Variants in DSCAML1 observed in about 807,000 individuals in gnomAD.
DSCAML1 encodes the protein DS cell adhesion molecule like 1, also known as cell adhesion molecule DSCAML1.
A neutral mutation model predicts 200.5 loss-of-function variants in DSCAML1; 38 were observed. The observed-to-expected ratio is 0.19, with a 90% CI of 0.15 to 0.25. The LOEUF is 0.25. DSCAML1 is among the 10% of genes least tolerant of loss of function. The pLI is 1.00. For synonymous variants in DSCAML1, 1,215 were observed against 1,165.0 expected, an observed-to-expected ratio of 1.04 and a Z score of -0.87; for missense variants, 2,223 against 2,858.8, an observed-to-expected ratio of 0.78 and a Z score of 5.07.
intron 5 of DSCAML1, among the ~76,000 whole-genome samples, chr11:117,523,918 C>T (rs191001987): frequency 1.3e-5 from 2 of 152,342 alleles, no homozygotes; most frequent in Admixed American, 6.5e-5. Context: ...CAGATCCCAG[C>T]CCCACTGCAG....
At chr11:117,453,946 G>C (rs10892114) in intron 19 of DSCAML1, among the ~76,000 whole-genome samples, 86,099 of 151,582 alleles carry the variant, frequency 0.57, 24,632 homozygotes, top group African/African-American at 0.62. Flanking sequence ...GTTTCACCAT[G>C]TTGGCCAGGC....
intron 1 of DSCAML1, among the ~76,000 whole-genome samples, chr11:117,781,078 C>T (rs1224455836): frequency 2.0e-5 from 3 of 152,048 alleles, no homozygotes; most frequent in Non-Finnish European, 4.4e-5. Context: ...GGGCGGATCA[C>T]CTGAGGTCAG....
chr11:117,431,521 G>C lies in DSCAML1; in HGVS notation c.5374+13C>G, dbSNP rs199901987. 1 of 1,547,904 alleles carries C rather than the reference G, an allele frequency of 6.5e-7. No homozygotes were observed. The highest frequency in any genetic ancestry group is 8.7e-7 in the Non-Finnish European group (1 of 1,143,690). ...GGGAGGTGTTCAGGATGCCAGCAGGGCCTTAGGCACACCTGTGTCCTGGGA... is the reference window on the plus strand; with the variant it reads ...GGGAGGTGTTCAGGATGCCAGCAGGCCCTTAGGCACACCTGTGTCCTGGGA... On this transcript the variant is annotated intron_variant, in intron 31 of 32. Transcript: ENST00000651296.
chr11:117,798,873 T>C (rs1011752467), upstream of DSCAML1, among the ~76,000 whole-genome samples: 5 of 152,220 alleles, frequency 3.3e-5, no homozygotes, highest in African/African-American at 1.2e-4. Flanking sequence ...GCTTGCTCTA[T>C]AAGCTGCAGC....
intron 3 of DSCAML1, among the ~76,000 whole-genome samples, chr11:117,597,564 T>C (rs986613825): frequency 6.6e-6 from 1 of 152,198 alleles, no homozygotes; most frequent in African/African-American, 2.4e-5. Flanking sequence ...TTCTCCTACC[T>C]CAGCCTCCTG....
chr11:117,471,810 G>GA (rs2048692422), intron 15 of DSCAML1, 59 bp downstream of exon 15: 2 of 1,264,690 alleles, frequency 1.6e-6, no homozygotes, highest in African/African-American at 4.0e-5. Flanking sequence ...ATCGCTGTAG[G>GA]CCCCTGGTGG....
At chr11:117,652,622 A>G (rs2052657905) in intron 3 of DSCAML1, among the ~76,000 whole-genome samples, 1 of 152,232 alleles carries the variant, frequency 6.6e-6, no homozygotes, top group African/African-American at 2.4e-5. Context: ...ATGGAAATCT[A>G]AACCCTAGAG....
rs111959924 is a variant in DSCAML1 at position 117,724,172 on chromosome 11, T to C, written c.511+52619A>G. 1.6e-4 allele frequency among the ~76,000 whole-genome samples: 24 copies of C among 152,268 alleles called. 1 individual carries two copies. The highest frequency in any genetic ancestry group is 5.5e-4 in the African/African-American group (23 of 41,528). Reference sequence around the variant, plus strand: ...TTTAGCCTTTCTGACCCTGGCCTTATAGAGAGCAATAAGCTGACCCCAAAG... The same window carrying C: ...TTTAGCCTTTCTGACCCTGGCCTTACAGAGAGCAATAAGCTGACCCCAAAG... On this transcript the variant is annotated intron_variant, in intron 3 of 32. Coordinates refer to ENST00000651296, the MANE Select transcript of DSCAML1 (RefSeq NM_020693.4).
At chr11:117,808,573 A>G (rs1239841575) in intron 1 of DSCAML1, among the ~76,000 whole-genome samples, 5 of 152,166 alleles carry the variant, frequency 3.3e-5, no homozygotes, top group East Asian at 1.9e-4. Flanking sequence ...TCTGTTTCCC[A>G]GTATTTGGAT....
At chr11:117,781,751 G>T (rs993288902) in intron 1 of DSCAML1, among the ~76,000 whole-genome samples, 3 of 152,268 alleles carry the variant, frequency 2.0e-5, no homozygotes, top group Admixed American at 6.5e-5. Context: ...GGGCAAGACT[G>T]CAAAGACCGC....
chr11:117,593,682 A>G (rs956589730), intron 3 of DSCAML1, among the ~76,000 whole-genome samples: 8 of 150,534 alleles, frequency 5.3e-5, no homozygotes, highest in Non-Finnish European at 7.4e-5. Context: ...CTTTCCTTGA[A>G]CCATAGTATT....
chr11:117,727,056 C>T (rs570753391), intron 3 of DSCAML1, among the ~76,000 whole-genome samples: 3 of 152,110 alleles, frequency 2.0e-5, no homozygotes, highest in South Asian at 2.1e-4. Context: ...ACACCTTGTA[C>T]ATTCATTGAC....
chr11:117,648,823 T>G (rs2052571597), intron 3 of DSCAML1, among the ~76,000 whole-genome samples: 8 of 151,902 alleles, frequency 5.3e-5, no homozygotes, highest in Admixed American at 3.3e-4. Flanking sequence ...AGATAGGAGG[T>G]AAAATCTCTG....
chr11:117,529,656 C>T (rs948747891), intron 4 of DSCAML1, among the ~76,000 whole-genome samples: 14 of 151,948 alleles, frequency 9.2e-5, no homozygotes, highest in African/African-American at 2.9e-4. Context: ...CTGACCACCT[C>T]CAATGCACTG....
chr11:117,449,418 TCA>T (rs1205976152), intron 20 of DSCAML1, among the ~76,000 whole-genome samples: 1 of 152,120 alleles, frequency 6.6e-6, no homozygotes, highest in African/African-American at 2.4e-5. Context: ...AACTCTGGTC[TCA>T]CTGGCGGGGA....
At chr11:117,666,552 G>A (rs2052979630) in intron 3 of DSCAML1, among the ~76,000 whole-genome samples, 1 of 152,064 alleles carries the variant, frequency 6.6e-6, no homozygotes, top group Non-Finnish European at 1.5e-5. Context: ...CTCTCTCTGG[G>A]TACTATCCCA....
chr11:117,511,968 G>C (rs1404838454), intron 8 of DSCAML1, among the ~76,000 whole-genome samples: 1 of 152,260 alleles, frequency 6.6e-6, no homozygotes, highest in Non-Finnish European at 1.5e-5. Flanking sequence ...GTGTGCTGCT[G>C]TTCGCAGCTT....
At chr11:117,796,427 C>T (rs1366700350) in intron 1 of DSCAML1, among the ~76,000 whole-genome samples, 10 of 152,204 alleles carry the variant, frequency 6.6e-5, no homozygotes, top group Admixed American at 5.2e-4. Flanking sequence ...GGAGGGTGAC[C>T]TCTGGGTTTG....
chr11:117,661,386 C>T (rs1468410481), intron 3 of DSCAML1, among the ~76,000 whole-genome samples: 2 of 152,218 alleles, frequency 1.3e-5, no homozygotes, highest in Non-Finnish European at 2.9e-5. Flanking sequence ...ATAACAGGTG[C>T]ACCGAATAGT....
Sources: allele counts gnomAD v4.1 joint callset (sites outside exome capture counted in the v4.1 genomes callset), GRCh38; gene constraint gnomAD v4.1.1; transcripts MANE v1.5; gene names NCBI Gene and HGNC (gene_info 2026-07-23, HGNC 2026-07-21).